CCDC146: variants seen among roughly 807,000 people sequenced by gnomAD.
CCDC146 encodes coiled-coil domain-containing protein 146.
Under a neutral mutation model 119.3 loss-of-function variants are expected in CCDC146, and 92 were observed. That is an observed-to-expected ratio of 0.77 (90% confidence interval 0.65 to 0.92). CCDC146 has a LOEUF of 0.92. Among genes scored for constraint, CCDC146 ranks in the 40% least tolerant of loss-of-function variants. The pLI, the probability that CCDC146 is intolerant of heterozygous loss-of-function variation, is 0.00. For synonymous variants in CCDC146, 372 were observed against 371.8 expected, an observed-to-expected ratio of 1.00 and a Z score of -0.01; for missense variants, 1,000 against 1,103.0, an observed-to-expected ratio of 0.91 and a Z score of 1.32.
intron 17 of CCDC146, among the ~76,000 whole-genome samples, chr7:77,289,631 G>A (rs187168240): frequency 1.5e-4 from 23 of 152,274 alleles, no homozygotes; most frequent in Admixed American, 5.9e-4. Flanking sequence ...TTACATAGTC[G>A]AACACGTAAG....
At chr7:77,142,237 A>T (rs1347485609) in intron 1 of CCDC146, among the ~76,000 whole-genome samples, 1 of 152,160 alleles carries the variant, frequency 6.6e-6, no homozygotes, top group Non-Finnish European at 1.5e-5. Flanking sequence ...CAAGAGAAAG[A>T]AAGAAAGGGT....
intron 4 of CCDC146, among the ~76,000 whole-genome samples, chr7:77,247,153 T>A (rs560062413): frequency 6.6e-6 from 1 of 152,038 alleles, no homozygotes. Context: ...TCTTTAAAAA[T>A]AGAAAAATAC....
At chr7:77,174,625 G>T (rs1791475912) in intron 2 of CCDC146, among the ~76,000 whole-genome samples, 2 of 152,124 alleles carry the variant, frequency 1.3e-5, no homozygotes, top group Admixed American at 1.3e-4. Flanking sequence ...TGGCACACTG[G>T]TGTCTAATGG....
At chr7:77,199,145 T>G (rs1234999105) in intron 2 of CCDC146, 1 of 1,562,534 alleles carries the variant, frequency 6.4e-7, no homozygotes, top group Non-Finnish European at 8.7e-7. Context: ...GTATAACATT[T>G]ATGAACATAT....
intron 2 of CCDC146, chr7:77,193,269 T>C (rs1004898154): frequency 2.0e-4 from 31 of 152,244 alleles, no homozygotes; most frequent in African/African-American, 7.5e-4. Flanking sequence ...CTCTGACTTC[T>C]TGTTAATGAA....
intron 2 of CCDC146, among the ~76,000 whole-genome samples, chr7:77,181,039 G>A (rs1791579491): frequency 1.3e-5 from 2 of 152,314 alleles, no homozygotes; most frequent in Admixed American, 1.3e-4. Context: ...GATATAGGAA[G>A]ATACACAGAT....
intron 2 of CCDC146, among the ~76,000 whole-genome samples, chr7:77,219,422 T>C (rs112360931): frequency 3.2e-4 from 49 of 152,314 alleles, no homozygotes; most frequent in African/African-American, 1.1e-3. Context: ...AACAGTTTTC[T>C]TGGAAAACTG....
chr7:77,274,574 A>G lies in CCDC146; in HGVS notation c.1362A>G (p.Leu454=). 6.2e-7 allele frequency: 1 copy of G among 1,613,338 alleles called. No homozygotes were observed. Among genetic ancestry groups the G allele is most frequent in the Non-Finnish European group, 8.5e-7 (1 of 1,179,380 alleles). Residue 454 remains leucine, a synonymous_variant, in exon 11 of 19, where the codon CTA becomes CTG. Transcript: ENST00000285871. ...LLKEQENMKE[L]VVNLLRMTQI... ...AGGAGCAAGAAAACATGAAAGAGCTAGTAGTCAACCTTCTCCGCATGACTC... is the reference window on the plus strand; with the variant it reads ...AGGAGCAAGAAAACATGAAAGAGCTGGTAGTCAACCTTCTCCGCATGACTC...
intron 1 of CCDC146, among the ~76,000 whole-genome samples, chr7:77,156,247 G>C (rs532385711): frequency 1.1e-4 from 16 of 152,290 alleles, no homozygotes; most frequent in African/African-American, 3.8e-4. Flanking sequence ...TTCTTTCAGA[G>C]TTTTGCTATT....
At chr7:77,278,377 T>C (rs2150543941) in intron 11 of CCDC146, among the ~76,000 whole-genome samples, 1 of 152,182 alleles carries the variant, frequency 6.6e-6, no homozygotes, top group Middle Eastern at 3.4e-3. Flanking sequence ...AGCCAGGGAA[T>C]TTTCAGATCT....
intron 1 of CCDC146, among the ~76,000 whole-genome samples, chr7:77,159,966 C>T (rs1307090819): frequency 6.6e-6 from 1 of 152,158 alleles, no homozygotes; most frequent in Non-Finnish European, 1.5e-5. Flanking sequence ...GGAAGGGATC[C>T]AGTTTCAGCT....
intron 2 of CCDC146, among the ~76,000 whole-genome samples, chr7:77,183,617 A>C (rs1352380417): frequency 3.3e-5 from 5 of 152,110 alleles, no homozygotes; most frequent in Non-Finnish European, 5.9e-5. Context: ...TGTGCTTCAG[A>C]ATTCTACCCA....
intron 2 of CCDC146, among the ~76,000 whole-genome samples, chr7:77,227,368 C>T (rs932846920): frequency 6.6e-6 from 1 of 152,214 alleles, no homozygotes; most frequent in African/African-American, 2.4e-5. Flanking sequence ...TGCAGTGGTG[C>T]AATCTCGGCT....
At position 77,135,237 on chromosome 7, in the gene CCDC146, C is replaced by T. The variant is rs186831754; in HGVS notation, c.-12+12505C>T. Among the ~76,000 whole-genome samples, 10 of 152,184 alleles carry T rather than the reference C, an allele frequency of 6.6e-5. No individual in the cohort carries two copies. In the East Asian group the frequency reaches 1.7e-3, roughly 27 times the overall value. ...GTGCAGTGGCTCACACCTTTAATCC[C>T]AGCACTTTGGGAGGCCATCGTGGGT... On this transcript the variant is annotated intron_variant, in intron 1 of 18. Coordinates refer to ENST00000285871, the MANE Select transcript of CCDC146 (RefSeq NM_020879.3).
intron 2 of CCDC146, among the ~76,000 whole-genome samples, chr7:77,203,221 G>A (rs1195632224): frequency 1.3e-5 from 2 of 152,020 alleles, no homozygotes; most frequent in African/African-American, 4.8e-5. Context: ...CATGGGATCT[G>A]ATAAGTGGTG....
intron 6 of CCDC146, among the ~76,000 whole-genome samples, chr7:77,257,558 T>C (rs1009549116): frequency 1.3e-5 from 2 of 152,172 alleles, no homozygotes; most frequent in African/African-American, 4.8e-5. Context: ...TCCAAGATGC[T>C]GCACCTAAGT....
intron 6 of CCDC146, among the ~76,000 whole-genome samples, chr7:77,258,588 A>T (rs145007889): frequency 1.1e-4 from 16 of 152,334 alleles, no homozygotes; most frequent in African/African-American, 3.6e-4. Context: ...TATTAGGTGA[A>T]CTGTAGACTA....
chr7:77,127,850 T>A (rs1790711094), intron 1 of CCDC146, among the ~76,000 whole-genome samples: 1 of 152,136 alleles, frequency 6.6e-6, no homozygotes, highest in African/African-American at 2.4e-5. Flanking sequence ...TGCCTCTTCA[T>A]CTTTTCGTAT....
At chr7:77,202,702 TA>T (rs1473014081) in intron 2 of CCDC146, among the ~76,000 whole-genome samples, 3 of 152,178 alleles carry the variant, frequency 2.0e-5, no homozygotes, top group Non-Finnish European at 4.4e-5. Context: ...AATGAGTGTA[TA>T]ACTCATGGAG....
Sources: allele counts gnomAD v4.1 joint callset (sites outside exome capture counted in the v4.1 genomes callset), GRCh38; gene constraint gnomAD v4.1.1; transcripts MANE v1.5; gene names NCBI Gene and HGNC (gene_info 2026-07-23, HGNC 2026-07-21).